Variants in GABRG3 observed in about 807,000 individuals in gnomAD.
The protein encoded by GABRG3 is gamma-aminobutyric acid receptor subunit gamma-3.
In GABRG3, 25 loss-of-function variants were observed where a neutral mutation model predicts 48.8. The observed-to-expected ratio is 0.51, with a 90% CI of 0.37 to 0.72. GABRG3 has a LOEUF of 0.72. Among genes scored for constraint, GABRG3 ranks in the 30% least tolerant of loss-of-function variants. The pLI, the probability that GABRG3 is intolerant of heterozygous loss-of-function variation, is 0.00. For synonymous variants in GABRG3, 227 were observed against 217.6 expected, an observed-to-expected ratio of 1.04 and a Z score of -0.38; for missense variants, 394 against 577.9, an observed-to-expected ratio of 0.68 and a Z score of 3.26.
intron 3 of GABRG3, among the ~76,000 whole-genome samples, chr15:27,046,046 C>T (rs570079740): frequency 1.3e-5 from 2 of 152,250 alleles, no homozygotes; most frequent in East Asian, 1.9e-4. Flanking sequence ...GTGTGAAGGG[C>T]GAGGGAAGGG....
rs868623516 is a variant in GABRG3 at position 27,388,167 on chromosome 15, G to A, written c.574+59279G>A. Among the ~76,000 whole-genome samples, 774 of 84,356 alleles carry A rather than the reference G, an allele frequency of 9.2e-3. 7 individuals carry two copies. Among genetic ancestry groups the A allele is most frequent in the Middle Eastern group, 0.022 (3 of 138 alleles). 55.3% of individuals were successfully genotyped at this position (84,356 alleles called of 152,430 possible). On this transcript the variant is annotated intron_variant, in intron 5 of 9. Transcript: ENST00000615808. ...GTAAGGAAGGAAGGAAGAAAGGAAG[G>A]AAGGAAGGAAAGGAGGGAGGGAGGG...
intron 5 of GABRG3, chr15:27,341,107 T>G: frequency 3.0e-6 from 1 of 328,720 alleles, no homozygotes; most frequent in East Asian, 7.2e-5. Context: ...GTATTTATTA[T>G]CTAGTTCCAG....
intron 3 of GABRG3, among the ~76,000 whole-genome samples, chr15:27,258,579 C>G (rs1379271794): frequency 6.6e-6 from 1 of 152,162 alleles, no homozygotes; most frequent in East Asian, 1.9e-4. Flanking sequence ...AAAGAAGACT[C>G]TTTTGCTTAG....
In GABRG3 at chr15:27,237,032, G is replaced by A. The variant is rs560970667; in HGVS notation, c.271-89777G>A. Reference sequence around the variant, plus strand: ...TCCTTTCCAAATGGATCGACCTTGCGATTCTTCAGTTGACACTCATTTGAC... The same window carrying A: ...TCCTTTCCAAATGGATCGACCTTGCAATTCTTCAGTTGACACTCATTTGAC... On this transcript the variant is annotated intron_variant, in intron 3 of 9. Coordinates refer to ENST00000615808, the MANE Select transcript of GABRG3 (RefSeq NM_033223.5). Among the ~76,000 whole-genome samples, 25 of 152,292 alleles carry A rather than the reference G, an allele frequency of 1.6e-4. No individual in the cohort carries two copies. In the South Asian group the frequency reaches 1.7e-3, roughly 10 times the overall value.
intron 3 of GABRG3, among the ~76,000 whole-genome samples, chr15:27,210,967 A>G (rs1012202037): frequency 1.3e-5 from 2 of 152,200 alleles, no homozygotes; most frequent in African/African-American, 2.4e-5. Flanking sequence ...CTATTTTACT[A>G]TTTTCCAGAA....
At chr15:27,067,702 C>T (rs1055375064) in intron 3 of GABRG3, among the ~76,000 whole-genome samples, 22 of 152,190 alleles carry the variant, frequency 1.4e-4, no homozygotes, top group African/African-American at 5.1e-4. Flanking sequence ...TCAGCTTAGG[C>T]ACCTGGAACT....
At chr15:27,195,790 A>G (rs576661032) in intron 3 of GABRG3, among the ~76,000 whole-genome samples, 2 of 152,282 alleles carry the variant, frequency 1.3e-5, no homozygotes, top group Admixed American at 1.3e-4. Context: ...GCCCACCACC[A>G]TGCCTGGCTA....
At chr15:27,415,656 A>G (rs909427077) in intron 5 of GABRG3, among the ~76,000 whole-genome samples, 1 of 152,168 alleles carries the variant, frequency 6.6e-6, no homozygotes, top group African/African-American at 2.4e-5. Flanking sequence ...ACCTACTGAC[A>G]TTTAAAAAAA....
intron 5 of GABRG3, among the ~76,000 whole-genome samples, chr15:27,390,185 C>T (rs564413083): frequency 6.6e-6 from 1 of 152,298 alleles, no homozygotes; most frequent in Admixed American, 6.5e-5. Flanking sequence ...CAAATCATAA[C>T]ACCTCAAATT....
At chr15:27,346,528 A>G (rs993071620) in intron 5 of GABRG3, among the ~76,000 whole-genome samples, 10 of 151,992 alleles carry the variant, frequency 6.6e-5, no homozygotes, top group African/African-American at 2.4e-4. Context: ...TTATACTTCA[A>G]ATATTTCTTC....
intron 3 of GABRG3, among the ~76,000 whole-genome samples, chr15:27,224,771 G>A (rs1889559851): frequency 6.6e-6 from 1 of 152,242 alleles, no homozygotes; most frequent in South Asian, 2.1e-4. Flanking sequence ...TGCATGCTGT[G>A]CATATAGGAT....
chr15:27,175,364 G>T lies in GABRG3; in HGVS notation c.270+148543G>T, dbSNP rs543089146. Among the ~76,000 whole-genome samples the T allele has an allele frequency of 5.8e-4, 89 of 152,350 alleles. 1 individual carries two copies. In the Middle Eastern group the frequency reaches 0.017, roughly 29 times the overall value. ...GACACCTTGGTGCTAACCCCTTGCAGGGCTCACTGAAGTAAGTGCTATGGC... is the reference window on the plus strand; with the variant it reads ...GACACCTTGGTGCTAACCCCTTGCATGGCTCACTGAAGTAAGTGCTATGGC... On this transcript the variant is annotated intron_variant, in intron 3 of 9. Transcript: ENST00000615808.
At chr15:27,342,589 A>T (rs1894221835) in intron 5 of GABRG3, among the ~76,000 whole-genome samples, 1 of 152,256 alleles carries the variant, frequency 6.6e-6, no homozygotes, top group Non-Finnish European at 1.5e-5. Flanking sequence ...GGGTTCGCAG[A>T]TTCTCAGGGC....
chr15:27,399,458 T>C (rs1237951609), intron 5 of GABRG3, among the ~76,000 whole-genome samples: 1 of 152,216 alleles, frequency 6.6e-6, no homozygotes, highest in Non-Finnish European at 1.5e-5. Flanking sequence ...TTTAATTACA[T>C]GGCAACGGTT....
chr15:27,114,723 A>G (rs892601009), intron 3 of GABRG3, among the ~76,000 whole-genome samples: 4 of 152,212 alleles, frequency 2.6e-5, no homozygotes, highest in African/African-American at 9.6e-5. Flanking sequence ...AGCAGAAGAC[A>G]AAGTTAACTG....
At chr15:27,374,726 A>C (rs574263947) in intron 5 of GABRG3, among the ~76,000 whole-genome samples, 1 of 152,166 alleles carries the variant, frequency 6.6e-6, no homozygotes, top group Admixed American at 6.5e-5. Context: ...GTTGTGGACC[A>C]CACCTCAGAG....
At chr15:27,271,432 G>A in intron 3 of GABRG3, 3 of 396,204 alleles carry the variant, frequency 7.6e-6, no homozygotes, top group South Asian at 1.8e-5. Flanking sequence ...TATGCCAGGT[G>A]CTGCAGATGA....
rs144027505 is a variant in GABRG3, at chr15:27,501,758, G to A, written c.713-18214G>A. ...TATAGCTGAGTCCAAGTTCTGTCTC[G>A]TTTGGTTGTGTGCAAGCACCTTTGA... On this transcript the variant is annotated intron_variant, in intron 6 of 9. Transcript: ENST00000615808. Among the ~76,000 whole-genome samples, 569 of 152,188 alleles carry A rather than the reference G, an allele frequency of 3.7e-3. 1 individual carries two copies. The highest frequency in any genetic ancestry group is 5.7e-3 in the Non-Finnish European group (386 of 68,018).
At chr15:27,504,561 A>C (rs1416634134) in intron 6 of GABRG3, among the ~76,000 whole-genome samples, 1 of 152,184 alleles carries the variant, frequency 6.6e-6, no homozygotes, top group Non-Finnish European at 1.5e-5. Flanking sequence ...CATATGTTAA[A>C]TATCATATTA....
Sources: gnomAD v4.1 joint callset for allele counts (sites outside exome capture counted in the v4.1 genomes callset) on GRCh38, gnomAD v4.1.1 for gene constraint, MANE v1.5 for transcripts, NCBI Gene and HGNC (gene_info 2026-07-23, HGNC 2026-07-21) for gene names.